GFRA1: variants seen among roughly 807,000 people sequenced by gnomAD.
The protein encoded by GFRA1 is GDNF family receptor alpha-1.
In GFRA1, 16 loss-of-function variants were observed where a neutral mutation model predicts 51.6. The ratio of observed to expected loss-of-function variants is 0.31; its 90% confidence interval spans 0.21 to 0.47. The LOEUF (loss-of-function observed/expected upper bound fraction) is 0.47. Among genes scored for constraint, GFRA1 ranks in the 20% least tolerant of loss-of-function variants. GFRA1 has a pLI of 1.00. For synonymous variants in GFRA1, 270 were observed against 241.3 expected (o/e 1.12, Z -1.10); for missense variants, 530 against 594.3 (o/e 0.89, Z 1.13).
chr10:116,103,764 CCT>C (rs1956901940), intron 6 of GFRA1, among the ~76,000 whole-genome samples: 1 of 152,284 alleles, frequency 6.6e-6, no homozygotes, highest in African/African-American at 2.4e-5. Flanking sequence ...ACAGATTTTT[CCT>C]CTTTCTGTTT....
At chr10:116,198,450 C>T (rs1964070017) in intron 5 of GFRA1, among the ~76,000 whole-genome samples, 2 of 152,212 alleles carry the variant, frequency 1.3e-5, no homozygotes. Flanking sequence ...GGAAAAAGAA[C>T]AGCTTTGTCT....
intron 5 of GFRA1, among the ~76,000 whole-genome samples, chr10:116,189,829 T>C (rs199827935): frequency 1.3e-5 from 2 of 152,202 alleles, no homozygotes; most frequent in East Asian, 1.9e-4. Context: ...AGAATAGTTA[T>C]CTATTTCTCC....
chr10:116,098,837 G>T, intron 6 of GFRA1, among the ~76,000 whole-genome samples: 1 of 152,190 alleles, frequency 6.6e-6, no homozygotes, highest in Admixed American at 6.5e-5. Flanking sequence ...GGAATGAAAG[G>T]CTAATTGAGT....
chr10:116,067,938 A>C (rs1955190944), intron 9 of GFRA1, among the ~76,000 whole-genome samples: 1 of 152,180 alleles, frequency 6.6e-6, no homozygotes, highest in African/African-American at 2.4e-5. Context: ...GTTCCCCCAA[A>C]GCGGGTATCC....
chr10:116,084,443 C>T (rs11197522), intron 9 of GFRA1, among the ~76,000 whole-genome samples: 13,921 of 152,176 alleles, frequency 0.091, 1,064 homozygotes, highest in East Asian at 0.4. Flanking sequence ...GTGCTGTTTA[C>T]TGGAGCCTGT....
intron 4 of GFRA1, among the ~76,000 whole-genome samples, chr10:116,242,419 T>C (rs1967468908): frequency 6.6e-6 from 1 of 152,138 alleles, no homozygotes; most frequent in Non-Finnish European, 1.5e-5. Context: ...AGCTAAACAA[T>C]ATACACTAAA....
intron 4 of GFRA1, among the ~76,000 whole-genome samples, chr10:116,264,788 G>C (rs752305681): frequency 6.6e-5 from 10 of 152,160 alleles, no homozygotes; most frequent in Non-Finnish European, 1.3e-4. Context: ...GGCCTTCACT[G>C]GCCCACTAAG....
intron 4 of GFRA1, among the ~76,000 whole-genome samples, chr10:116,234,374 A>G (rs1243580274): frequency 2.0e-5 from 3 of 152,220 alleles, no homozygotes; most frequent in Non-Finnish European, 4.4e-5. Context: ...AACAGGGCCT[A>G]GAATCCTAAA....
At chr10:116,185,110 T>C (rs956321158) in intron 5 of GFRA1, among the ~76,000 whole-genome samples, 3 of 152,124 alleles carry the variant, frequency 2.0e-5, no homozygotes, top group African/African-American at 7.2e-5. Context: ...ATTACTGCAA[T>C]GTAACATACA....
At chr10:116,222,116 A>G (rs1324980892) in intron 4 of GFRA1, among the ~76,000 whole-genome samples, 1 of 152,182 alleles carries the variant, frequency 6.6e-6, no homozygotes, top group African/African-American at 2.4e-5. Context: ...GTAGAAGGGG[A>G]AAGAGCCAGG....
At chr10:116,101,986 A>G (rs543396649) in intron 6 of GFRA1, among the ~76,000 whole-genome samples, 1 of 152,326 alleles carries the variant, frequency 6.6e-6, no homozygotes, top group East Asian at 1.9e-4. Context: ...TCTTACCCAT[A>G]TTCCATCCTA....
intron 5 of GFRA1, among the ~76,000 whole-genome samples, chr10:116,198,910 G>A (rs74638852): frequency 0.04 from 6,065 of 152,226 alleles, 294 homozygotes; most frequent in African/African-American, 0.11. Context: ...ATTAGGGTAA[G>A]CCCTAAATCC....
chr10:116,084,082 C>T (rs998530161), intron 9 of GFRA1, among the ~76,000 whole-genome samples: 2 of 152,168 alleles, frequency 1.3e-5, no homozygotes, highest in African/African-American at 4.8e-5. Flanking sequence ...CACCCCAAGG[C>T]CTCTGCCCCC....
intron 6 of GFRA1, among the ~76,000 whole-genome samples, chr10:116,098,103 C>T (rs1488522014): frequency 6.6e-6 from 1 of 152,214 alleles, no homozygotes; most frequent in Non-Finnish European, 1.5e-5. Flanking sequence ...TGTGTGCTCT[C>T]TATGTTCTGG....
chr10:116,084,896 T>C (rs1956025716), intron 9 of GFRA1, among the ~76,000 whole-genome samples: 1 of 151,924 alleles, frequency 6.6e-6, no homozygotes, highest in African/African-American at 2.4e-5. Context: ...GATAGGATTA[T>C]TAATGTTTCT....
In GFRA1 at chr10:116,057,654, C is replaced by G. The variant is rs1308610511; in HGVS notation, c.*6744G>C. 1 of 151,942 alleles carries G rather than the reference C, an allele frequency of 6.6e-6. No individual in the cohort carries two copies. Among genetic ancestry groups the G allele is most frequent in the Non-Finnish European group, 1.5e-5 (1 of 68,012 alleles). 9.4% of individuals were successfully genotyped at this position (151,942 alleles called of 1,614,324 possible). A position where few individuals can be genotyped will look rare whatever the true frequency, so the allele number is the denominator to read the frequency against. On this transcript the variant is annotated 3_prime_UTR_variant, in exon 11 of 11. Transcript: ENST00000355422. Reference sequence around the variant, plus strand: ...ACTCTGCAGTGAAAAGTGTTTCCCCCACTCCCTTGGGCGAGGGAAGGGAGA... The same window carrying G: ...ACTCTGCAGTGAAAAGTGTTTCCCCGACTCCCTTGGGCGAGGGAAGGGAGA...
intron 9 of GFRA1, among the ~76,000 whole-genome samples, chr10:116,070,303 AC>A (rs1333587508): frequency 6.6e-6 from 1 of 152,208 alleles, no homozygotes; most frequent in African/African-American, 2.4e-5. Flanking sequence ...CTCACTAAGT[AC>A]CTAGCTGCAT....
intron 9 of GFRA1, among the ~76,000 whole-genome samples, chr10:116,078,055 C>A (rs1228144248): frequency 6.6e-6 from 1 of 152,194 alleles, no homozygotes; most frequent in Non-Finnish European, 1.5e-5. Context: ...TAGGGTGCCA[C>A]ACATATGTAC....
intron 6 of GFRA1, among the ~76,000 whole-genome samples, chr10:116,117,561 A>ATGGATGGATGGATGGATGGGTGGG (rs1957470507): frequency 9.4e-6 from 1 of 106,064 alleles, no homozygotes; most frequent in Non-Finnish European, 2.0e-5. Flanking sequence ...GGGTGTGTGG[A>ATGGATGGATGGATGGATGGGTGGG]TGGATGGATG....
Sources: gnomAD v4.1 joint callset for allele counts (sites outside exome capture counted in the v4.1 genomes callset) on GRCh38, gnomAD v4.1.1 for gene constraint, MANE v1.5 for transcripts, NCBI Gene and HGNC (gene_info 2026-07-23, HGNC 2026-07-21) for gene names.